Variants in VPS45 observed in about 807,000 individuals in gnomAD.
The protein encoded by VPS45 is vacuolar protein sorting-associated protein 45.
VPS45 carries 35 observed loss-of-function variants against 75.9 expected under a neutral mutation model. That is an observed-to-expected ratio of 0.46 (90% confidence interval 0.35 to 0.61). The LOEUF is 0.61. Ranked by LOEUF, VPS45 falls within the 20% of genes least tolerant of loss-of-function variation. The pLI is 0.00. For missense variants in VPS45, 559 were observed against 685.9 expected, an observed-to-expected ratio of 0.81 and a Z score of 2.07; for synonymous variants, 220 against 238.2, an observed-to-expected ratio of 0.92 and a Z score of 0.70.
intron 13 of VPS45, among the ~76,000 whole-genome samples, chr1:150,097,888 T>C (rs1226038960): frequency 6.6e-6 from 1 of 152,200 alleles, no homozygotes; most frequent in Non-Finnish European, 1.5e-5. Flanking sequence ...GGTCTGGCTC[T>C]GTAGCCCAGA....
chr1:150,136,601 TAAAC>T (rs1368799353), intron 14 of VPS45, among the ~76,000 whole-genome samples: 2 of 151,932 alleles, frequency 1.3e-5, no homozygotes, highest in African/African-American at 4.8e-5. Context: ...GTACAGAAGT[TAAAC>T]AAAATGTATC....
At chr1:150,105,593 A>G (rs587683608) in intron 13 of VPS45, among the ~76,000 whole-genome samples, 103 of 152,338 alleles carry the variant, frequency 6.8e-4, no homozygotes, top group Non-Finnish European at 1.2e-3. Flanking sequence ...ACTACTTAAC[A>G]TTGATGAAAG....
chr1:150,119,835 G>A (rs937999198), intron 14 of VPS45, among the ~76,000 whole-genome samples: 1 of 152,146 alleles, frequency 6.6e-6, no homozygotes, highest in African/African-American at 2.4e-5. Flanking sequence ...GAGGCCGGGC[G>A]CGGTGGCTCA....
chr1:150,109,010 TA>T (rs769633455), intron 13 of VPS45, among the ~76,000 whole-genome samples: 146 of 152,142 alleles, frequency 9.6e-4, no homozygotes, highest in Non-Finnish European at 1.7e-3. Flanking sequence ...TAACTGTTTT[TA>T]GGGGGAAGGT....
intron 13 of VPS45, among the ~76,000 whole-genome samples, chr1:150,097,233 A>G (rs1656711156): frequency 6.6e-6 from 1 of 151,000 alleles, no homozygotes; most frequent in Admixed American, 6.6e-5. Context: ...TTACAGGTGC[A>G]TGCCACCATG....
intron 14 of VPS45, among the ~76,000 whole-genome samples, chr1:150,136,518 G>A (rs1161697933): frequency 2.0e-5 from 3 of 152,066 alleles, no homozygotes; most frequent in African/African-American, 4.8e-5. Context: ...TCGCACCACT[G>A]CACTCCAGCC....
intron 14 of VPS45, among the ~76,000 whole-genome samples, chr1:150,111,179 A>G (rs1272796042): frequency 1.3e-5 from 2 of 152,204 alleles, no homozygotes; most frequent in African/African-American, 2.4e-5. Flanking sequence ...GTGCCCAGAG[A>G]GGCAGATAAA....
intron 13 of VPS45, among the ~76,000 whole-genome samples, chr1:150,097,448 A>C (rs1288389597): frequency 1.3e-5 from 2 of 150,078 alleles, no homozygotes; most frequent in African/African-American, 2.4e-5. Flanking sequence ...TCCTGGGTGC[A>C]GTGGTTTATG....
At chr1:150,113,191 T>G (rs372385357) in intron 14 of VPS45, among the ~76,000 whole-genome samples, 65 of 152,232 alleles carry the variant, frequency 4.3e-4, no homozygotes, top group African/African-American at 1.5e-3. Context: ...GCCCTCATCC[T>G]GAAGCTATCT....
intron 7 of VPS45, among the ~76,000 whole-genome samples, chr1:150,080,436 G>C (rs1427967226): frequency 6.6e-6 from 1 of 152,128 alleles, no homozygotes; most frequent in Non-Finnish European, 1.5e-5. Context: ...GAGCCACCAT[G>C]CCCAGCCTTG....
intron 13 of VPS45, among the ~76,000 whole-genome samples, chr1:150,099,503 C>A (rs1362369369): frequency 8.9e-5 from 1 of 11,284 alleles, no homozygotes; most frequent in Non-Finnish European, 1.6e-4. Context: ...CAGAGTGAGA[C>A]TCCATTAAAA....
intron 7 of VPS45, 123 bp from the exon 8 acceptor site, chr1:150,081,219 C>T: frequency 1.0e-6 from 1 of 969,928 alleles, no homozygotes; most frequent in Non-Finnish European, 1.5e-6. Flanking sequence ...TAAAATTTAA[C>T]TCGAGAATCT....
rs373103136 is a variant in VPS45, at chr1:150,070,583, G to C, written c.229-1583G>C. 4.2e-4 allele frequency among the ~76,000 whole-genome samples: 63 copies of C among 151,232 alleles called. No individual in the cohort carries two copies. The East Asian group carries it at 0.01, about 24-fold the overall frequency. ...CAAGGCAGGCGGATCACGAGGTCAG[G>C]AGATCGAGACCATCCTGGCCAACAT... On this transcript the variant is annotated intron_variant, in intron 2 of 14. Coordinates refer to ENST00000644510, the MANE Select transcript of VPS45 (RefSeq NM_007259.5).
intron 10 of VPS45, among the ~76,000 whole-genome samples, chr1:150,086,498 T>A (rs1357534107): frequency 7.0e-6 from 1 of 142,226 alleles, no homozygotes; most frequent in East Asian, 1.9e-4. Flanking sequence ...TTTGTGTGTG[T>A]GTTTTGTTTT....
intron 13 of VPS45, among the ~76,000 whole-genome samples, chr1:150,102,011 T>C (rs1269108066): frequency 6.6e-6 from 1 of 150,516 alleles, no homozygotes; most frequent in Non-Finnish European, 1.5e-5. Context: ...CTGAGGCAGG[T>C]GGATCACCTG....
intron 2 of VPS45, among the ~76,000 whole-genome samples, chr1:150,070,766 G>A (rs1363400725): frequency 1.3e-5 from 2 of 151,828 alleles, no homozygotes; most frequent in African/African-American, 2.4e-5. Flanking sequence ...CTGAGATCAC[G>A]CCACTGTAGT....
chr1:150,123,903 G>C (rs112536741), intron 14 of VPS45, among the ~76,000 whole-genome samples: 2,150 of 152,216 alleles, frequency 0.014, 49 homozygotes, highest in African/African-American at 0.046. Context: ...CAAATAGAAA[G>C]ACATATCCTG....
Position 150,077,212 on chromosome 1 carries a change from G to C in VPS45, c.557G>C (p.Arg186Thr), listed in dbSNP as rs1254158345. The C allele has an allele frequency of 3.1e-6, 5 of 1,613,844 alleles. No homozygotes were observed. Among genetic ancestry groups the C allele is most frequent in the Non-Finnish European group, 4.2e-6 (5 of 1,179,980 alleles). Residue 186 changes from arginine to threonine, a missense_variant, in exon 6 of 15, where the codon AGA becomes ACA. Transcript: ENST00000644510. Reference sequence around the variant, plus strand: ...CAGCTCTCATCAGAGGCAGCAAAGAGACTTGCAGAGTGCGTTAAGGTATGG... The same window carrying C: ...CAGCTCTCATCAGAGGCAGCAAAGACACTTGCAGAGTGCGTTAAGGTATGG... ...RYQLSSEAAK[R>T]LAECVKQVIT...
intron 13 of VPS45, among the ~76,000 whole-genome samples, chr1:150,108,947 T>C (rs1304927087): frequency 1.3e-5 from 2 of 152,194 alleles, no homozygotes; most frequent in Admixed American, 6.5e-5. Context: ...TTGGGGACCC[T>C]TATCGTAATT....
Sources: gnomAD v4.1 joint callset for allele counts (sites outside exome capture counted in the v4.1 genomes callset) on GRCh38, gnomAD v4.1.1 for gene constraint, MANE v1.5 for transcripts, NCBI Gene and HGNC (gene_info 2026-07-23, HGNC 2026-07-21) for gene names.